DLG2: variants seen among roughly 807,000 people sequenced by gnomAD.
DLG2 encodes discs large MAGUK scaffold protein 2, also known as disks large homolog 2.
Under a neutral mutation model 132.5 loss-of-function variants are expected in DLG2, and 45 were observed. That is an observed-to-expected ratio of 0.34 (90% CI 0.27 to 0.44). The LOEUF (loss-of-function observed/expected upper bound fraction) is 0.44, where lower values mean the gene tolerates loss of function less well. Among genes scored for constraint, DLG2 ranks in the 20% least tolerant of loss-of-function variants. The pLI, the probability that DLG2 is intolerant of heterozygous loss-of-function variation, is 1.00. For missense variants in DLG2, 1,045 were observed against 1,196.9 expected (o/e 0.87, Z 1.87); for synonymous variants, 424 against 419.6 (o/e 1.01, Z -0.13).
chr11:83,644,953 G>C (rs77618815), intron 18 of DLG2, among the ~76,000 whole-genome samples: 1,976 of 152,066 alleles, frequency 0.013, 53 homozygotes, highest in African/African-American at 0.045. Flanking sequence ...GTTTTTTTAA[G>C]GGATATATTA....
Position 84,152,410 on chromosome 11 carries a change from G to A in DLG2, c.624+11051C>T, listed in dbSNP as rs182203066. On this transcript the variant is annotated intron_variant, in intron 9 of 27. Coordinates refer to ENST00000376104, the MANE Select transcript of DLG2 (RefSeq NM_001142699.3). The stretch of plus-strand genomic sequence containing the variant: ...TTTTCTCTTTTTTTTTTTTTCAGAC[G>A]GAGTCTTGCACTGTTGCCCAGGCTG... 3.3e-3 allele frequency among the ~76,000 whole-genome samples: 489 copies of A among 147,230 alleles called. 4 individuals are homozygous for A. Among genetic ancestry groups the A allele is most frequent in the Admixed American group, 0.014 (201 of 14,760 alleles).
chr11:83,569,775 A>C (rs1413246002), intron 19 of DLG2, among the ~76,000 whole-genome samples: 1 of 152,248 alleles, frequency 6.6e-6, no homozygotes, highest in Non-Finnish European at 1.5e-5. Flanking sequence ...GGGGCTGGTT[A>C]ACAAAGCAGG....
Position 83,821,018 on chromosome 11 carries a change from G to T in DLG2, c.1722+12596C>A, listed in dbSNP as rs568700411. On this transcript the variant is annotated intron_variant, in intron 17 of 27. Coordinates refer to ENST00000376104, the MANE Select transcript of DLG2 (RefSeq NM_001142699.3). ...CCTTTCCCATTAGCGAAGACTTCAA[G>T]TTCTTTCATCTAATTTATTCATCAC... Among the ~76,000 whole-genome samples the T allele has an allele frequency of 5.6e-4, 85 of 152,302 alleles. 1 individual carries two copies. Among genetic ancestry groups the T allele is most frequent in the African/African-American group, 2.0e-3 (82 of 41,576 alleles).
intron 3 of DLG2, among the ~76,000 whole-genome samples, chr11:85,333,899 T>C (rs1249413248): frequency 6.6e-6 from 1 of 151,976 alleles, no homozygotes; most frequent in Admixed American, 6.6e-5. Flanking sequence ...TTTTTTTTTT[T>C]CACTGTGTCT....
In DLG2 at chr11:84,891,528, T is replaced by C. The variant is rs937603878; in HGVS notation, c.357+220133A>G. On this transcript the variant is annotated intron_variant, in intron 6 of 27. Transcript: ENST00000376104. ...GTGGAAAAATATGACAGGAAATTAA[T>C]GAATGAAGAGGGTTTCATCAGGATA... 2.0e-5 allele frequency among the ~76,000 whole-genome samples: 3 copies of C among 152,168 alleles called. No homozygotes were observed. In the East Asian group the frequency reaches 5.8e-4, roughly 29 times the overall value.
intron 7 of DLG2, among the ~76,000 whole-genome samples, chr11:84,306,142 T>G: frequency 6.7e-6 from 1 of 149,054 alleles, no homozygotes; most frequent in South Asian, 2.1e-4. Context: ...CACGTTTTTT[T>G]CACATGACCA....
At chr11:83,886,052 A>G (rs914962660) in intron 15 of DLG2, among the ~76,000 whole-genome samples, 1 of 152,170 alleles carries the variant, frequency 6.6e-6, no homozygotes, top group Non-Finnish European at 1.5e-5. Context: ...AACGACCAAA[A>G]TAACCAGCTA....
At chr11:84,831,415 G>A (rs2079042960) in intron 6 of DLG2, among the ~76,000 whole-genome samples, 1 of 151,536 alleles carries the variant, frequency 6.6e-6, no homozygotes, top group Non-Finnish European at 1.5e-5. Flanking sequence ...AATAAACTGA[G>A]ATAACTATCA....
At chr11:83,476,955 A>G (rs2092671051) in intron 22 of DLG2, among the ~76,000 whole-genome samples, 1 of 152,130 alleles carries the variant, frequency 6.6e-6, no homozygotes, top group Non-Finnish European at 1.5e-5. Context: ...TAATAGAGTA[A>G]GGTGAAGAAT....
At chr11:84,751,608 G>T (rs1440276065) in intron 6 of DLG2, among the ~76,000 whole-genome samples, 1 of 152,070 alleles carries the variant, frequency 6.6e-6, no homozygotes, top group Admixed American at 6.6e-5. Context: ...GCAAAAATCG[G>T]CTGTGGTTAA....
At chr11:83,884,651 G>A (rs1190544349) in intron 15 of DLG2, among the ~76,000 whole-genome samples, 4 of 152,176 alleles carry the variant, frequency 2.6e-5, no homozygotes, top group Non-Finnish European at 5.9e-5. Context: ...CCTCAAGTGG[G>A]TCCCTGACCC....
chr11:84,071,368 G>T (rs1156822787), intron 10 of DLG2, among the ~76,000 whole-genome samples: 1 of 151,966 alleles, frequency 6.6e-6, no homozygotes, highest in East Asian at 1.9e-4. Context: ...GCCTCCCAAA[G>T]TGCTGGGATT....
chr11:85,398,845 G>A (rs147896250), intron 3 of DLG2, among the ~76,000 whole-genome samples: 1 of 152,242 alleles, frequency 6.6e-6, no homozygotes, highest in East Asian at 1.9e-4. Context: ...TCTACCAGAG[G>A]TACAAAGAGG....
intron 11 of DLG2, among the ~76,000 whole-genome samples, chr11:84,038,965 T>G (rs1335764594): frequency 2.0e-5 from 3 of 152,026 alleles, no homozygotes; most frequent in Non-Finnish European, 4.4e-5. Context: ...ATGATTCAAT[T>G]ACCTCCCACC....
At chr11:84,567,101 A>AC (rs2099459595) in intron 6 of DLG2, among the ~76,000 whole-genome samples, 1 of 152,176 alleles carries the variant, frequency 6.6e-6, no homozygotes, top group Non-Finnish European at 1.5e-5. Flanking sequence ...CACCTCGAAA[A>AC]ATAAACAGGG....
chr11:84,940,935 T>A (rs965756107), intron 6 of DLG2, among the ~76,000 whole-genome samples: 2 of 152,244 alleles, frequency 1.3e-5, no homozygotes, highest in African/African-American at 4.8e-5. Flanking sequence ...AGTTTCATTC[T>A]TCTTTAGATG....
chr11:84,085,392 C>G (rs1293904082), intron 10 of DLG2, among the ~76,000 whole-genome samples: 2 of 152,082 alleles, frequency 1.3e-5, no homozygotes, highest in South Asian at 2.1e-4. Flanking sequence ...AAAACAAATG[C>G]CTTATCACCA....
chr11:84,098,948 C>T lies in DLG2; in HGVS notation c.724G>A (p.Ala242Thr). ...IFITKIIPGGAAAEDGRLRVN... is the reference protein window; with the variant it reads ...IFITKIIPGGTAAEDGRLRVN... ...CTGAGTCTGCCATCCTCTGCTGCAG[C>T]ACCTCCTGGTATAATCTTCGTAATA... is the stretch of plus-strand genomic sequence containing the variant. The change falls in exon 10 of 28, where the codon GCT becomes ACT. Residue 242 changes from alanine to threonine, a missense_variant. Ala to Thr is a moderately conservative substitution (Grantham distance 58, BLOSUM62 0). Coordinates refer to ENST00000376104, the MANE Select transcript of DLG2 (RefSeq NM_001142699.3). 1 of 1,613,400 alleles carries T rather than the reference C, an allele frequency of 6.2e-7. No homozygotes were observed. The highest frequency in any genetic ancestry group is 8.5e-7 in the Non-Finnish European group (1 of 1,179,746).
rs1055514355 is a variant in DLG2, at chr11:84,264,785, C to T, written c.520-13494G>A. ...CATCTCGTGACTGCTCCTCACCCAC[C>T]GTTACTGGATAAGAACATTTGTATC... On this transcript the variant is annotated intron_variant, in intron 7 of 27. Coordinates refer to ENST00000376104, the MANE Select transcript of DLG2 (RefSeq NM_001142699.3). 1.1e-4 allele frequency among the ~76,000 whole-genome samples: 16 copies of T among 152,090 alleles called. 1 individual carries two copies. Among genetic ancestry groups the T allele is most frequent in the South Asian group, 2.1e-4 (1 of 4,824 alleles).
Sources: gnomAD v4.1 joint callset for allele counts (sites outside exome capture counted in the v4.1 genomes callset) on GRCh38, gnomAD v4.1.1 for gene constraint, MANE v1.5 for transcripts, NCBI Gene and HGNC (gene_info 2026-07-23, HGNC 2026-07-21) for gene names.